The following RAB18 variants were observed in gnomAD, a reference collection of about 807,000 sequenced individuals.
RAB18 encodes ras-related protein Rab-18.
A neutral mutation model predicts 28.5 loss-of-function variants in RAB18; 10 were observed. The observed-to-expected ratio is 0.35, with a 90% CI of 0.22 to 0.60. The LOEUF is 0.60. Ranked by LOEUF, RAB18 falls within the 20% of genes least tolerant of loss-of-function variation. RAB18 has a pLI of 0.78. For missense variants in RAB18, 188 were observed against 244.2 expected (o/e 0.77, Z 1.53); for synonymous variants, 93 against 86.9 (o/e 1.07, Z -0.39).
chr10:27,520,637 C>T (rs1834528842), intron 2 of RAB18, among the ~76,000 whole-genome samples: 1 of 151,800 alleles, frequency 6.6e-6, no homozygotes, highest in South Asian at 2.1e-4. Flanking sequence ...AATTTCTGTG[C>T]CGGGCATGGT....
At chr10:27,524,214 G>A (rs1283115267) in intron 2 of RAB18, among the ~76,000 whole-genome samples, 1 of 152,212 alleles carries the variant, frequency 6.6e-6, no homozygotes, top group Non-Finnish European at 1.5e-5. Flanking sequence ...ACAGGCGTGA[G>A]CCACTGTGCC....
At chr10:27,516,951 A>G (rs1221866226) in intron 2 of RAB18, among the ~76,000 whole-genome samples, 1 of 152,206 alleles carries the variant, frequency 6.6e-6, no homozygotes, top group Non-Finnish European at 1.5e-5. Context: ...CACTGGACAG[A>G]ATAAAGTGGA....
intron 2 of RAB18, among the ~76,000 whole-genome samples, chr10:27,522,462 T>G (rs1834580739): frequency 6.6e-6 from 1 of 152,198 alleles, no homozygotes; most frequent in African/African-American, 2.4e-5. Context: ...AAAGTGAATC[T>G]CTGATAGAAA....
intron 1 of RAB18, among the ~76,000 whole-genome samples, chr10:27,509,264 A>G (rs1337447305): frequency 6.6e-6 from 1 of 152,168 alleles, no homozygotes; most frequent in Non-Finnish European, 1.5e-5. Context: ...AAAAGCCTCC[A>G]GTAGCCTCCA....
rs545949562 is a variant in RAB18 at position 27,522,060 on chromosome 10, T to C, written c.125-4768T>C. On this transcript the variant is annotated intron_variant, in intron 2 of 6. Coordinates refer to ENST00000356940, the MANE Select transcript of RAB18 (RefSeq NM_021252.5). ...TAATTGTAAAAATCTAAATAAAATG[T>C]AATTTGTGGGGAAAAAAAAGACGTT... 1.5e-4 allele frequency among the ~76,000 whole-genome samples: 23 copies of C among 152,168 alleles called. No homozygotes were observed. The South Asian group carries it at 4.8e-3, about 32-fold the overall frequency.
chr10:27,533,593 ACACT>A (rs1834830820), intron 4 of RAB18, 138 bp from the exon 5 acceptor site: 5 of 926,534 alleles, frequency 5.4e-6, no homozygotes, highest in Non-Finnish European at 6.4e-6. Flanking sequence ...GGATCAGTAG[ACACT>A]CAATATTAAT....
chr10:27,541,314 A>G lies in RAB18; in HGVS notation c.*3263A>G, dbSNP rs937188499. 1.8e-5 allele frequency: 8 copies of G among 452,576 alleles called. No individual in the cohort carries two copies. Among genetic ancestry groups the G allele is most frequent in the African/African-American group, 1.4e-4 (7 of 49,618 alleles). The allele number at this position is 452,576 out of a possible 1,614,324, so 28.0% of individuals were successfully genotyped here. The stretch of plus-strand genomic sequence containing the variant: ...TAGACAGGCTAGCTAAGTCAAGACT[A>G]GGGGCTAAGGAATATAGAATCACCC... On this transcript the variant is annotated 3_prime_UTR_variant, in exon 7 of 7. Coordinates refer to ENST00000356940, the MANE Select transcript of RAB18 (RefSeq NM_021252.5).
At chr10:27,504,815 T>G in intron 1 of RAB18, 1 of 490,064 alleles carries the variant, frequency 2.0e-6, no homozygotes, top group South Asian at 1.6e-5. Context: ...GGGTTCAGGC[T>G]GCCTGCCACC....
chr10:27,523,455 A>G (rs1328711354), intron 2 of RAB18, among the ~76,000 whole-genome samples: 3 of 151,458 alleles, frequency 2.0e-5, no homozygotes, highest in East Asian at 3.9e-4. Context: ...CAGATGATTG[A>G]TGGTCTCTCA....
chr10:27,519,846 A>G (rs565268780), intron 2 of RAB18, among the ~76,000 whole-genome samples: 5 of 152,264 alleles, frequency 3.3e-5, no homozygotes, highest in Admixed American at 2.6e-4. Context: ...TAGGAAATGC[A>G]AAGGAAGTAG....
intron 6 of RAB18, among the ~76,000 whole-genome samples, chr10:27,536,313 A>G (rs1834898916): frequency 6.6e-6 from 1 of 152,142 alleles, no homozygotes; most frequent in South Asian, 2.1e-4. Context: ...ATGTGATTAG[A>G]GTGGTGACTT....
In RAB18 at chr10:27,511,678, G is replaced by C. The variant is rs972813913; in HGVS notation, c.124+1748G>C. Among the ~76,000 whole-genome samples, 4 of 152,230 alleles carry C rather than the reference G, an allele frequency of 2.6e-5. No individual in the cohort carries two copies. The East Asian group carries it at 7.7e-4, about 29-fold the overall frequency. ...CAGTTTTGGCAGCAATTCCACAGAAGTGTTTTTCAGAACATAGTGTCAGTG... is the reference window on the plus strand; with the variant it reads ...CAGTTTTGGCAGCAATTCCACAGAACTGTTTTTCAGAACATAGTGTCAGTG... On this transcript the variant is annotated intron_variant, in intron 2 of 6. Coordinates refer to ENST00000356940, the MANE Select transcript of RAB18 (RefSeq NM_021252.5).
At chr10:27,536,947 G>C (rs1362892308) in intron 6 of RAB18, among the ~76,000 whole-genome samples, 1 of 152,214 alleles carries the variant, frequency 6.6e-6, no homozygotes, top group Non-Finnish European at 1.5e-5. Context: ...GGAGAAATGG[G>C]TGGCTACAAG....
chr10:27,507,802 C>T (rs1837881722), intron 1 of RAB18, among the ~76,000 whole-genome samples: 1 of 151,840 alleles, frequency 6.6e-6, no homozygotes, highest in South Asian at 2.1e-4. Flanking sequence ...ACTCGGGAGG[C>T]TGAGACAGGA....
intron 2 of RAB18, among the ~76,000 whole-genome samples, chr10:27,516,154 A>T (rs1834433858): frequency 6.6e-6 from 1 of 152,156 alleles, no homozygotes; most frequent in Non-Finnish European, 1.5e-5. Context: ...TTTGTTAAAG[A>T]TGTTCTCTAA....
intron 2 of RAB18, among the ~76,000 whole-genome samples, chr10:27,516,856 GA>G (rs981298711): frequency 5.3e-5 from 8 of 152,176 alleles, no homozygotes; most frequent in African/African-American, 1.9e-4. Context: ...AGAAAAGGTT[GA>G]AAATAGATGA....
chr10:27,541,498 G>T lies in RAB18; in HGVS notation c.*3447G>T, dbSNP rs1463445260. 1 of 453,788 alleles carries T rather than the reference G, an allele frequency of 2.2e-6. No individual in the cohort carries two copies. The highest frequency in any genetic ancestry group is 4.4e-6 in the Non-Finnish European group (1 of 226,742). The allele number at this position is 453,788 out of a possible 1,614,324, so 28.1% of individuals were successfully genotyped here. A position where few individuals can be genotyped will look rare whatever the true frequency, so the allele number is the denominator to read the frequency against. ...TGTTTCTGATTGTGGTATAAAGTTT[G>T]CTTAAGTGCCCCTTAGTTAAAGCTG... On this transcript the variant is annotated 3_prime_UTR_variant, in exon 7 of 7. Coordinates refer to ENST00000356940, the MANE Select transcript of RAB18 (RefSeq NM_021252.5).
At position 27,540,199 on chromosome 10, in the gene RAB18, A is replaced by G. The variant is rs1239254724; in HGVS notation, c.*2148A>G. 1 of 454,118 alleles carries G rather than the reference A, an allele frequency of 2.2e-6. No individual in the cohort carries two copies. The highest frequency in any genetic ancestry group is 6.9e-5 in the East Asian group (1 of 14,398). The allele number at this position is 454,118 out of a possible 1,614,324, so 28.1% of individuals were successfully genotyped here. On this transcript the variant is annotated 3_prime_UTR_variant, in exon 7 of 7. Transcript: ENST00000356940. Reference sequence around the variant, plus strand: ...TTATTGAAAGCTTCCTTGGTGCCAGATGCCTTTCTAAGTGCTGAATTATCT... The same window carrying G: ...TTATTGAAAGCTTCCTTGGTGCCAGGTGCCTTTCTAAGTGCTGAATTATCT...
At chr10:27,532,603 A>T in intron 4 of RAB18, 24 bp downstream of exon 4, 1 of 1,493,710 alleles carries the variant, frequency 6.7e-7, no homozygotes, top group Non-Finnish European at 9.3e-7. Flanking sequence ...TTAATGTACT[A>T]TTTAAAAATA....
Sources: allele counts gnomAD v4.1 joint callset (sites outside exome capture counted in the v4.1 genomes callset), GRCh38; gene constraint gnomAD v4.1.1; transcripts MANE v1.5; gene names NCBI Gene and HGNC (gene_info 2026-07-23, HGNC 2026-07-21).